Variants in CDON observed in about 807,000 individuals in gnomAD.
The protein encoded by CDON is cell adhesion molecule-related/down-regulated by oncogenes.
In CDON, 73 loss-of-function variants were observed where a neutral mutation model predicts 120.9. The ratio of observed to expected loss-of-function variants is 0.60; its 90% CI spans 0.50 to 0.73. CDON has a LOEUF of 0.73. CDON is among the 30% of genes least tolerant of loss of function. CDON has a pLI of 0.00. For missense variants in CDON, 1,470 were observed against 1,587.3 expected (o/e 0.93, Z 1.26); for synonymous variants, 566 against 573.5 (o/e 0.99, Z 0.19).
At chr11:125,999,644 T>C (rs636368) in intron 11 of CDON, among the ~76,000 whole-genome samples, 51,930 of 152,006 alleles carry the variant, frequency 0.34, 9,154 homozygotes, top group African/African-American at 0.38. Flanking sequence ...GGTCTTCTGG[T>C]GCCCACACCC....
rs1273006323 is a variant in CDON, at chr11:125,958,922, G to A, written c.*2020C>T. On this transcript the variant is annotated 3_prime_UTR_variant, in exon 20 of 20. Transcript: ENST00000531738. Reference sequence around the variant, plus strand: ...AACTTGATTGGCTAACACAGGGTATGTTTTCATATTCTGTGCGCTGGGACT... The same window carrying A: ...AACTTGATTGGCTAACACAGGGTATATTTTCATATTCTGTGCGCTGGGACT... The A allele has an allele frequency of 1.3e-5, 2 of 152,294 alleles. No individual in the cohort carries two copies. The highest frequency in any genetic ancestry group is 3.9e-4 in the East Asian group (2 of 5,178). 9.4% of individuals were successfully genotyped at this position (152,294 alleles called of 1,614,324 possible).
chr11:125,963,977 TTGTC>T (rs1350315077), intron 18 of CDON, among the ~76,000 whole-genome samples: 1 of 152,212 alleles, frequency 6.6e-6, no homozygotes, highest in Non-Finnish European at 1.5e-5. Flanking sequence ...ACTTACTCTC[TTGTC>T]TATTTTATTC....
chr11:126,002,751 C>G (rs1946986299), intron 10 of CDON, among the ~76,000 whole-genome samples: 1 of 152,180 alleles, frequency 6.6e-6, no homozygotes, highest in African/African-American at 2.4e-5. Flanking sequence ...CTCAAATGTT[C>G]CAGCTCTTCT....
At chr11:125,971,723 G>A (rs973642099) in intron 18 of CDON, among the ~76,000 whole-genome samples, 6 of 151,986 alleles carry the variant, frequency 3.9e-5, no homozygotes, top group South Asian at 2.1e-4. Flanking sequence ...GTCTCTCTAC[G>A]ACCCTTCGAG....
intron 18 of CDON, among the ~76,000 whole-genome samples, chr11:125,964,200 C>T (rs150701383): frequency 2.0e-5 from 3 of 152,254 alleles, no homozygotes; most frequent in East Asian, 1.9e-4. Flanking sequence ...GGGGCAAGGT[C>T]GTGGGGAGAA....
intron 1 of CDON, among the ~76,000 whole-genome samples, chr11:126,026,791 C>A (rs1947804852): frequency 6.6e-6 from 1 of 152,146 alleles, no homozygotes; most frequent in African/African-American, 2.4e-5. Flanking sequence ...AACTGACACA[C>A]CACTGGAAAG....
intron 15 of CDON, among the ~76,000 whole-genome samples, chr11:125,988,194 G>A (rs1946522415): frequency 6.6e-6 from 1 of 152,042 alleles, no homozygotes; most frequent in South Asian, 2.1e-4. Context: ...TGGCTAATGA[G>A]ACTGGTGGGA....
chr11:126,013,673 CTTTCT>C (rs1257832895), intron 7 of CDON, among the ~76,000 whole-genome samples: 2 of 151,974 alleles, frequency 1.3e-5, no homozygotes, highest in African/African-American at 4.8e-5. Context: ...TTTGTACCTT[CTTTCT>C]TTTCTTTGGA....
intron 1 of CDON, among the ~76,000 whole-genome samples, chr11:126,041,404 C>CTG: frequency 6.6e-6 from 1 of 152,186 alleles, no homozygotes; most frequent in South Asian, 2.1e-4. Flanking sequence ...TTAGGATGCT[C>CTG]TAAGGATCTG....
intron 18 of CDON, among the ~76,000 whole-genome samples, chr11:125,974,390 AAGGGAGGGAGGGAGGGAGGGAGGGAGGG>A (rs149644937): frequency 2.2e-5 from 1 of 46,056 alleles, no homozygotes; most frequent in African/African-American, 1.4e-4. Context: ...GGAAGGAAGG[AAGGGAGGGAGGGAGGGAGGGAGGGAGGG>A]AGGGAGGGAG....
intron 15 of CDON, among the ~76,000 whole-genome samples, chr11:125,988,910 A>G (rs186765997): frequency 5.4e-4 from 82 of 152,296 alleles, no homozygotes; most frequent in African/African-American, 1.8e-3. Context: ...ATATTCTTAA[A>G]CTTTTGTTAG....
chr11:126,052,966 T>G (rs1948602930), intron 1 of CDON, among the ~76,000 whole-genome samples: 1 of 152,220 alleles, frequency 6.6e-6, no homozygotes, highest in Non-Finnish European at 1.5e-5. Flanking sequence ...TACAGGGAAC[T>G]TCAGCATCTA....
At position 126,017,154 on chromosome 11, in the gene CDON, A is replaced by C; in HGVS notation, c.862T>G (p.Tyr288Asp). Residue 288 changes from tyrosine (Y) to aspartate (D), a missense_variant, in exon 6 of 20, where the codon TAT becomes GAT. Coordinates refer to ENST00000531738, the MANE Select transcript of CDON (RefSeq NM_001378964.1). The part of the protein sequence containing the change: ...DSVDPADSGN[Y>D]SCMAGNKSGD... Reference sequence around the variant, plus strand: ...GACTTGTTTCCCGCCATGCAGGAATAGTTTCCGGAGTCCGCCGGGTCAACG... The same window carrying C: ...GACTTGTTTCCCGCCATGCAGGAATCGTTTCCGGAGTCCGCCGGGTCAACG... 1 of 1,614,166 alleles carries C rather than the reference A, an allele frequency of 6.2e-7. No homozygotes were observed. The highest frequency in any genetic ancestry group is 8.5e-7 in the Non-Finnish European group (1 of 1,179,994).
chr11:126,031,187 C>T (rs1947933010), intron 1 of CDON, among the ~76,000 whole-genome samples: 1 of 152,150 alleles, frequency 6.6e-6, no homozygotes. Context: ...CTGAGCTATC[C>T]TGGAAACTCA....
chr11:125,974,378 AAGGAAGGAAGGAAGGGAGGGAGGG>A (rs1565495654), intron 18 of CDON, among the ~76,000 whole-genome samples: 1 of 27,902 alleles, frequency 3.6e-5, no homozygotes. Context: ...GGAAGGAAGG[AAGGAAGGAAGGAAGGGAGGGAGGG>A]AGGGAGGGAG....
chr11:126,044,288 T>A (rs1206443673), intron 1 of CDON, among the ~76,000 whole-genome samples: 1 of 152,174 alleles, frequency 6.6e-6, no homozygotes, highest in East Asian at 1.9e-4. Context: ...TATCGGGGAG[T>A]ACTTTTAAAG....
chr11:126,053,561 G>A (rs2134933230), intron 1 of CDON, among the ~76,000 whole-genome samples: 1 of 152,272 alleles, frequency 6.6e-6, no homozygotes, highest in Middle Eastern at 3.4e-3. Context: ...AGGGATAAAT[G>A]GCACCTTTCC....
At chr11:126,009,934 A>T (rs1463158602) in intron 8 of CDON, among the ~76,000 whole-genome samples, 1 of 152,232 alleles carries the variant, frequency 6.6e-6, no homozygotes, top group Non-Finnish European at 1.5e-5. Context: ...ATATACATAC[A>T]GGTATTACTT....
chr11:126,006,093 C>T, intron 8 of CDON, 36 bp from the exon 9 acceptor site: 1 of 1,593,236 alleles, frequency 6.3e-7, no homozygotes, highest in Non-Finnish European at 8.6e-7. Flanking sequence ...CTTGAAGATA[C>T]TCCTCATTTC....
Sources: allele counts gnomAD v4.1 joint callset (sites outside exome capture counted in the v4.1 genomes callset), GRCh38; gene constraint gnomAD v4.1.1; transcripts MANE v1.5; gene names NCBI Gene and HGNC (gene_info 2026-07-23, HGNC 2026-07-21).